STK17B: variants seen among roughly 807,000 people sequenced by gnomAD.
STK17B encodes serine/threonine kinase 17b.
A neutral mutation model predicts 42.0 loss-of-function variants in STK17B; 21 were observed. The ratio of observed to expected loss-of-function variants is 0.50; its 90% CI spans 0.35 to 0.72. The LOEUF is 0.72. Among genes scored for constraint, STK17B ranks in the 30% least tolerant of loss-of-function variants. The pLI is 0.00. For missense variants in STK17B, 349 were observed against 446.0 expected (o/e 0.78, Z 1.96); for synonymous variants, 143 against 148.4 (o/e 0.96, Z 0.26).
chr2:196,175,349 G>A (rs949847656), upstream of STK17B, among the ~76,000 whole-genome samples: 2 of 152,202 alleles, frequency 1.3e-5, no homozygotes, highest in Admixed American at 6.5e-5. Flanking sequence ...TTTCACGCCA[G>A]GTGTGGTGGC....
intron 2 of STK17B, among the ~76,000 whole-genome samples, chr2:196,162,510 A>G (rs1235558023): frequency 6.6e-6 from 1 of 151,958 alleles, no homozygotes; most frequent in Non-Finnish European, 1.5e-5. Flanking sequence ...TAGGCACTTT[A>G]CAAATATTAA....
chr2:196,145,769 C>T (rs1011903957), intron 4 of STK17B, 142 bp downstream of exon 4: 1 of 684,432 alleles, frequency 1.5e-6, no homozygotes, highest in Non-Finnish European at 2.2e-6. Context: ...CACATAGGCA[C>T]ACGTAAGCAA....
upstream of STK17B, among the ~76,000 whole-genome samples, chr2:196,171,781 G>C (rs1296428433): frequency 6.7e-6 from 1 of 149,218 alleles, no homozygotes; most frequent in Non-Finnish European, 1.5e-5. Flanking sequence ...GGGGAGGCGC[G>C]GCGGCGTGGC....
chr2:196,155,871 T>C (rs1037658063), intron 3 of STK17B, among the ~76,000 whole-genome samples: 1 of 152,204 alleles, frequency 6.6e-6, no homozygotes, highest in Non-Finnish European at 1.5e-5. Context: ...CACAGACTTG[T>C]GGCAAGAGAT....
At chr2:196,164,578 A>G (rs556574099) in intron 1 of STK17B, among the ~76,000 whole-genome samples, 1 of 152,334 alleles carries the variant, frequency 6.6e-6, no homozygotes, top group South Asian at 2.1e-4. Context: ...CTCCTGTAGT[A>G]ACCCGCTAAG....
Position 196,137,648 on chromosome 2 carries a change from T to C in STK17B, c.918A>G (p.Glu306=). ...WDFENLFHPE[E]TSSSSQTQDH... Reference sequence around the variant, plus strand: ...CCTGAGTTTGAGAGGAACTGGAAGTTTCTTCAGGGTGAAACAAGTTTTCAA... The same window carrying C: ...CCTGAGTTTGAGAGGAACTGGAAGTCTCTTCAGGGTGAAACAAGTTTTCAA... Residue 306 remains glutamate, a synonymous_variant, in exon 8 of 8, where the codon GAA becomes GAG. Transcript: ENST00000263955. The C allele has an allele frequency of 1.2e-6, 2 of 1,614,104 alleles. No individual in the cohort carries two copies.
chr2:196,171,979 C>T (rs1275863445), upstream of STK17B, among the ~76,000 whole-genome samples: 1 of 152,178 alleles, frequency 6.6e-6, no homozygotes, highest in East Asian at 1.9e-4. Context: ...CAGCTGCCTG[C>T]GACTAGTTAC....
chr2:196,153,912 T>C (rs1699702115), intron 3 of STK17B: 1 of 151,930 alleles, frequency 6.6e-6, no homozygotes, highest in South Asian at 2.1e-4. Flanking sequence ...TATTAAAAAG[T>C]GGGAAAGGGA....
intron 3 of STK17B, among the ~76,000 whole-genome samples, chr2:196,146,678 C>T (rs1699581310): frequency 6.6e-6 from 1 of 151,992 alleles, no homozygotes; most frequent in Non-Finnish European, 1.5e-5. Context: ...CATATATGTA[C>T]ATCTATATGT....
chr2:196,169,197 T>A (rs929378180), intron 1 of STK17B, among the ~76,000 whole-genome samples: 2 of 149,020 alleles, frequency 1.3e-5, no homozygotes, highest in South Asian at 2.1e-4. Context: ...TGCCTCAGCC[T>A]CCCGAGTAGC....
intron 4 of STK17B, among the ~76,000 whole-genome samples, chr2:196,144,968 T>C (rs191308405): frequency 6.6e-6 from 1 of 152,140 alleles, no homozygotes; most frequent in Admixed American, 6.5e-5. Flanking sequence ...CTTCAAGGGC[T>C]ATGTGATGCT....
chr2:196,141,439 C>T (rs1699492355), intron 5 of STK17B, 142 bp from the exon 6 acceptor site: 1 of 624,602 alleles, frequency 1.6e-6, no homozygotes, highest in Non-Finnish European at 2.8e-6. Context: ...GCAGGCAGAT[C>T]ACCTGAGATC....
At chr2:196,175,584 T>C (rs1206524163), upstream of STK17B, among the ~76,000 whole-genome samples, 1 of 152,308 alleles carries the variant, frequency 6.6e-6, no homozygotes, top group East Asian at 1.9e-4. Context: ...CGAGATTGTG[T>C]ACCACTGCAC....
chr2:196,172,274 G>T (rs1447010826), upstream of STK17B, among the ~76,000 whole-genome samples: 1 of 152,160 alleles, frequency 6.6e-6, no homozygotes, highest in Non-Finnish European at 1.5e-5. Flanking sequence ...AAAGATGAAA[G>T]CCCTCAGCAA....
intron 7 of STK17B, among the ~76,000 whole-genome samples, chr2:196,138,260 T>TC (rs1410545806): frequency 1.3e-5 from 2 of 152,116 alleles, no homozygotes; most frequent in South Asian, 2.1e-4. Flanking sequence ...CTTCACATAC[T>TC]CCATGTTTCT....
At chr2:196,160,492 T>A (rs927427522) in intron 2 of STK17B, among the ~76,000 whole-genome samples, 3 of 152,192 alleles carry the variant, frequency 2.0e-5, no homozygotes, top group African/African-American at 7.2e-5. Context: ...ACACTAACAC[T>A]CTGAAATAAA....
In STK17B at chr2:196,134,577, A is replaced by G. The variant is rs1463472459; in HGVS notation, c.*2870T>C. On this transcript the variant is annotated 3_prime_UTR_variant, in exon 8 of 8. Coordinates refer to ENST00000263955, the MANE Select transcript of STK17B (RefSeq NM_004226.4). ...CAAAACAGTTGGAGATCGCTCCACT[A>G]GAGAACAGTTAACGGCTTACTTCCT... 3 of 152,228 alleles carry G rather than the reference A, an allele frequency of 2.0e-5. No individual in the cohort carries two copies. The highest frequency in any genetic ancestry group is 4.4e-5 in the Non-Finnish European group (3 of 68,034). 9.4% of individuals were successfully genotyped at this position (152,228 alleles called of 1,614,324 possible).
At chr2:196,138,827 G>A (rs918764945) in intron 7 of STK17B, among the ~76,000 whole-genome samples, 12 of 152,084 alleles carry the variant, frequency 7.9e-5, no homozygotes, top group Non-Finnish European at 1.2e-4. Context: ...GGCCGCCTTG[G>A]CCTCCCAAAG....
chr2:196,166,780 A>G (rs1182170092), intron 1 of STK17B, among the ~76,000 whole-genome samples: 1 of 152,238 alleles, frequency 6.6e-6, no homozygotes, highest in African/African-American at 2.4e-5. Context: ...TGTGAACAAA[A>G]GCAAGACTAT....
Sources: allele counts gnomAD v4.1 joint callset (sites outside exome capture counted in the v4.1 genomes callset), GRCh38; gene constraint gnomAD v4.1.1; transcripts MANE v1.5; gene names NCBI Gene and HGNC (gene_info 2026-07-23, HGNC 2026-07-21).